CAPRIN2: variants seen among roughly 807,000 people sequenced by gnomAD.
CAPRIN2 encodes the protein caprin family member 2, also known as caprin-2.
In CAPRIN2, 66 loss-of-function variants were observed where a neutral mutation model predicts 130.4. The observed-to-expected ratio is 0.51, with a 90% CI of 0.42 to 0.62. The LOEUF (loss-of-function observed/expected upper bound fraction) is 0.62, where lower values mean the gene tolerates loss of function less well. Ranked by LOEUF, CAPRIN2 falls within the 20% of genes least tolerant of loss-of-function variation. CAPRIN2 has a pLI of 0.00. For synonymous variants in CAPRIN2, 471 were observed against 444.1 expected (o/e 1.06, Z -0.76); for missense variants, 1,185 against 1,246.6 (o/e 0.95, Z 0.74).
intron 2 of CAPRIN2, among the ~76,000 whole-genome samples, chr12:30,743,970 G>C (rs2068686671): frequency 6.6e-6 from 1 of 152,036 alleles, no homozygotes; most frequent in Non-Finnish European, 1.5e-5. Context: ...TGTCTCCCAG[G>C]CACATTAAAA....
At chr12:30,729,222 C>T (rs755333884) in exon 8 of CAPRIN2, 6 of 1,613,522 alleles carry the variant, frequency 3.7e-6, no homozygotes, top group Non-Finnish European at 4.2e-6. Context: ...CATATCCCAA[C>T]GTTTTGGGAG....
exon 1 of CAPRIN2, chr12:30,753,485 C>G (rs1013721872): frequency 6.2e-7 from 1 of 1,614,086 alleles, no homozygotes; most frequent in Non-Finnish European, 8.5e-7. Context: ...TTTCCCCATG[C>G]TGACTGTGGT....
chr12:30,753,786 C>A (rs778600724), exon 1 of CAPRIN2: 8 of 1,578,496 alleles, frequency 5.1e-6, no homozygotes, highest in Non-Finnish European at 6.9e-6. Flanking sequence ...GTAATTAGTG[C>A]CGCTAGCCAA....
exon 14 of CAPRIN2, chr12:30,715,058 G>A: frequency 1.2e-6 from 2 of 1,613,860 alleles, no homozygotes; most frequent in Middle Eastern, 1.6e-4. Flanking sequence ...GGCTGAGTAG[G>A]TCTGGGAAAC....
At chr12:30,727,691 T>C (rs186077837) in intron 8 of CAPRIN2, among the ~76,000 whole-genome samples, 60 of 152,366 alleles carry the variant, frequency 3.9e-4, no homozygotes, top group Non-Finnish European at 7.5e-4. Context: ...AGGTTATTTA[T>C]CCTTAAAAGA....
chr12:30,750,404 C>T (rs574209368), intron 2 of CAPRIN2, among the ~76,000 whole-genome samples: 13 of 152,282 alleles, frequency 8.5e-5, no homozygotes, highest in Non-Finnish European at 1.9e-4. Context: ...CAAACATCCA[C>T]GAAGCACTGT....
chr12:30,745,734 T>G (rs2069813337), intron 2 of CAPRIN2, among the ~76,000 whole-genome samples: 1 of 151,786 alleles, frequency 6.6e-6, no homozygotes, highest in Admixed American at 6.6e-5. Context: ...GCAGAAAAAT[T>G]TTTAAAAAGT....
intron 8 of CAPRIN2, 152 bp downstream of exon 9, chr12:30,728,496 A>C (rs1333997110): frequency 1.6e-6 from 1 of 625,168 alleles, no homozygotes; most frequent in African/African-American, 1.9e-5. Context: ...CGGAGGTTAC[A>C]GTGAGCAGAG....
chr12:30,710,563 T>A lies in CAPRIN2; in HGVS notation c.2666-93A>T, dbSNP rs755362162. 5 of 1,558,302 alleles carry A rather than the reference T, an allele frequency of 3.2e-6. No individual in the cohort carries two copies. The highest frequency in any genetic ancestry group is 4.3e-6 in the Non-Finnish European group (5 of 1,157,066). On this transcript the variant is annotated intron_variant, in intron 16 of 16. Transcript: ENST00000298892. This position sits in a 1 kb window ranked among gnomAD's most constrained non-coding sequence, Gnocchi z 4.8. ...AGTCGGCTACTGAAACAGACAAAGA[T>A]ACATTTTATAGTAAATTCCAAAACA...
At chr12:30,718,773 G>A (rs2058460881) in intron 12 of CAPRIN2, among the ~76,000 whole-genome samples, 1 of 152,170 alleles carries the variant, frequency 6.6e-6, no homozygotes, top group Non-Finnish European at 1.5e-5. Context: ...TTAAGCTGTT[G>A]CTAGAAATTC....
chr12:30,737,665 T>G (rs1200095681), intron 3 of CAPRIN2, among the ~76,000 whole-genome samples: 3 of 150,394 alleles, frequency 2.0e-5, no homozygotes, highest in Admixed American at 6.7e-5. Flanking sequence ...TGGCACGATC[T>G]CGGCCCACTG....
chr12:30,745,791 A>T (rs929336107), intron 2 of CAPRIN2, among the ~76,000 whole-genome samples: 1 of 152,162 alleles, frequency 6.6e-6, no homozygotes, highest in Admixed American at 6.6e-5. Flanking sequence ...GGGGTGGAAT[A>T]TGCCCCTAGA....
intron 5 of CAPRIN2, 50 bp from the exon 7 acceptor site, chr12:30,731,560 T>C: frequency 6.9e-7 from 1 of 1,454,360 alleles, no homozygotes; most frequent in East Asian, 2.3e-5. Flanking sequence ...AATTGAAAAT[T>C]ACTGGGAATA....
chr12:30,715,817 T>G (rs2057362352), intron 13 of CAPRIN2: 1 of 177,816 alleles, frequency 5.6e-6, no homozygotes, highest in African/African-American at 2.4e-5. Flanking sequence ...CTTTCAACAG[T>G]AGAGGGGAGA....
chr12:30,718,995 A>G lies in CAPRIN2; in HGVS notation c.2148+1816T>C, dbSNP rs952667647. ...ATTTTACAAAAGGCAAACTTTTCAC[A>G]TAGTATCCAATAATTATGTAAGAGA... On this transcript the variant is annotated intron_variant, in intron 12 of 16. Coordinates refer to ENST00000298892, the Ensembl canonical transcript of CAPRIN2. The G allele has an allele frequency of 2.8e-6, 4 of 1,444,824 alleles. 1 individual carries two copies. Among genetic ancestry groups the G allele is most frequent in the Admixed American group, 2.1e-5 (1 of 48,566 alleles). 89.5% of individuals were successfully genotyped at this position (1,444,824 alleles called of 1,614,324 possible).
rs767827955 is a variant in CAPRIN2 at position 30,720,791 on chromosome 12, T to A, written c.2148+20A>T. On this transcript the variant is annotated intron_variant, in intron 12 of 16. Transcript: ENST00000298892. ...CTATTCTTTAAGATACAAAAGAAAT[T>A]AAGACAATTGGTCTTTTACCTCAGG... The A allele has an allele frequency of 7.1e-7, 1 of 1,399,170 alleles. No individual in the cohort carries two copies. The highest frequency in any genetic ancestry group is 1.0e-6 in the Non-Finnish European group (1 of 987,246). The allele number at this position is 1,399,170 out of a possible 1,614,324, so 86.7% of individuals were successfully genotyped here.
At chr12:30,717,723 G>T (rs1445462376) in intron 12 of CAPRIN2, among the ~76,000 whole-genome samples, 1 of 152,000 alleles carries the variant, frequency 6.6e-6, no homozygotes, top group African/African-American at 2.4e-5. Flanking sequence ...AGGGTAAGGG[G>T]TCTTTTTTTC....
chr12:30,718,076 G>T (rs1178622827), intron 12 of CAPRIN2, among the ~76,000 whole-genome samples: 2 of 152,156 alleles, frequency 1.3e-5, no homozygotes, highest in African/African-American at 2.4e-5. Flanking sequence ...TGAGCAAAAG[G>T]TACTGTGACA....
At chr12:30,737,373 C>T (rs1193738180) in intron 3 of CAPRIN2, among the ~76,000 whole-genome samples, 3 of 152,094 alleles carry the variant, frequency 2.0e-5, no homozygotes, top group African/African-American at 4.8e-5. Context: ...AGCACAGAGT[C>T]TGACAAATAT....
Sources: gnomAD v4.1 joint callset for allele counts (sites outside exome capture counted in the v4.1 genomes callset) on GRCh38, gnomAD v4.1.1 for gene constraint, Gnocchi (gnomAD v3.1) non-coding constraint, MANE v1.5 for transcripts, NCBI Gene and HGNC (gene_info 2026-07-23, HGNC 2026-07-21) for gene names.